GZF1: variants seen among roughly 807,000 people sequenced by gnomAD.
GZF1 encodes the protein GDNF inducible zinc finger protein 1.
A neutral mutation model predicts 49.4 loss-of-function variants in GZF1; 28 were observed. That is an observed-to-expected ratio of 0.57 (90% CI 0.42 to 0.78). The LOEUF (loss-of-function observed/expected upper bound fraction) is 0.78. Ranked by LOEUF, GZF1 falls within the 30% of genes least tolerant of loss-of-function variation. The probability of loss-of-function intolerance (pLI) is 0.00; values close to 1 mark genes in which losing one functional copy is unlikely to be tolerated. For missense variants in GZF1, 798 were observed against 916.2 expected (o/e 0.87, Z 1.67); for synonymous variants, 364 against 356.0 (o/e 1.02, Z -0.25).
chr20:23,362,049 G>A (rs1432133726), upstream of GZF1: 1 of 152,326 alleles, frequency 6.6e-6, no homozygotes, highest in Non-Finnish European at 1.5e-5. Flanking sequence ...GAACCGCTCC[G>A]CCGCCCGACG....
upstream of GZF1, chr20:23,362,126 G>T (rs1202789793): frequency 6.6e-6 from 1 of 152,168 alleles, no homozygotes; most frequent in Non-Finnish European, 1.5e-5. Context: ...GGGGCCTGCA[G>T]CGACCAATCG....
At chr20:23,365,945 G>A (rs1981312155) in intron 2 of GZF1, among the ~76,000 whole-genome samples, 198 bp downstream of exon 2, 1 of 152,240 alleles carries the variant, frequency 6.6e-6, no homozygotes, top group South Asian at 2.1e-4. Context: ...TGAGACCCCT[G>A]GGGCGCCCCT....
intron 2 of GZF1, among the ~76,000 whole-genome samples, chr20:23,366,121 C>G (rs556352583): frequency 6.6e-6 from 1 of 152,198 alleles, no homozygotes; most frequent in Non-Finnish European, 1.5e-5. Context: ...CAGTAGAGAC[C>G]TCAGTGAGAT....
rs1323114946 is a variant in GZF1 at position 23,372,565 on chromosome 20, C to T, written c.*2124C>T. Reference sequence around the variant, plus strand: ...TAAAAAGTAGGCATCAAAGATACGACTTCTACTATATACATTTCTCTGTCC... The same window carrying T: ...TAAAAAGTAGGCATCAAAGATACGATTTCTACTATATACATTTCTCTGTCC... On this transcript the variant is annotated 3_prime_UTR_variant, in exon 6 of 6. Transcript: ENST00000338121. 2 of 152,200 alleles carry T rather than the reference C, an allele frequency of 1.3e-5. No homozygotes were observed. Among genetic ancestry groups the T allele is most frequent in the Admixed American group, 6.5e-5 (1 of 15,282 alleles). The allele number at this position is 152,200 out of a possible 1,614,324, so 9.4% of individuals were successfully genotyped here.
Position 23,365,630 on chromosome 20 carries a change from T to G in GZF1, c.1247T>G (p.Leu416Arg). The G allele has an allele frequency of 6.2e-7, 1 of 1,604,972 alleles. No homozygotes were observed. Among genetic ancestry groups the G allele is most frequent in the Non-Finnish European group, 8.5e-7 (1 of 1,179,296 alleles). Residue 416 changes from leucine to arginine, a missense_variant, in exon 2 of 6, where the codon CTG becomes CGG. Around this residue, in one of 3 missense-constraint regions of GZF1, gnomAD observed 446 missense variants for 540.1 expected, o/e 0.83. Coordinates refer to ENST00000338121, the MANE Select transcript of GZF1 (RefSeq NM_022482.5). ...RHRCGQCGKG[L>R]SSKTALRLHE... ...CGCTGCGGCCAGTGCGGCAAGGGCCTGAGTTCCAAGACAGCGCTGCGGCTG... is the reference window on the plus strand; with the variant it reads ...CGCTGCGGCCAGTGCGGCAAGGGCCGGAGTTCCAAGACAGCGCTGCGGCTG...
rs1307688238 is a variant in GZF1 at position 23,370,649 on chromosome 20, CTACT to C, written c.*210_*213del. ...AAAATCCTGATCTGCATGATCTCAG[CTACT>C]TTATTGACAAAAAGGCAGTGAACAT... is the stretch of plus-strand genomic sequence containing the variant. On this transcript the variant is annotated 3_prime_UTR_variant, in exon 6 of 6. Coordinates refer to ENST00000338121, the MANE Select transcript of GZF1 (RefSeq NM_022482.5). The C allele has an allele frequency of 3.2e-5, 18 of 567,914 alleles. No individual in the cohort carries two copies. The East Asian group carries it at 5.3e-4, about 17-fold the overall frequency. 35.2% of individuals were successfully genotyped at this position (567,914 alleles called of 1,614,324 possible).
Position 23,369,715 on chromosome 20 carries a change from A to G in GZF1, c.1759A>G (p.Lys587Glu). The change falls in exon 5 of 6, where the codon AAG becomes GAG. Residue 587 changes from lysine to glutamate, a missense_variant. By Grantham distance (56) the Lys-to-Glu change is moderately conservative (BLOSUM62 1). Coordinates refer to ENST00000338121, the MANE Select transcript of GZF1 (RefSeq NM_022482.5). Reference protein sequence around the residue: ...CNACGRTFTDKSTLRRHTSIH... With the variant: ...CNACGRTFTDESTLRRHTSIH... The stretch of plus-strand genomic sequence containing the variant: ...TGCGTGCGGACGGACATTCACCGAC[A>G]AGTCCACTCTTCGGCGGCACACCTC... The G allele has an allele frequency of 6.2e-7, 1 of 1,613,422 alleles. No individual in the cohort carries two copies. The highest frequency in any genetic ancestry group is 8.5e-7 in the Non-Finnish European group (1 of 1,179,652).
At position 23,365,058 on chromosome 20, in the gene GZF1, G is replaced by A. The variant is rs759335586; in HGVS notation, c.675G>A (p.Arg225=). The change falls in exon 2 of 6, where the codon AGG becomes AGA. Residue 225 remains arginine (R), a synonymous_variant. Transcript: ENST00000338121. ...PYPKIRRASG[R]LAGRKVFVEI... is the part of the protein sequence containing the mutation. ...CTAAAATCAGGAGAGCTAGTGGAAG[G>A]CTGGCTGGGAGGAAGGTCTTTGTGG... 1 of 1,614,102 alleles carries A rather than the reference G, an allele frequency of 6.2e-7. No homozygotes were observed. The highest frequency in any genetic ancestry group is 1.1e-5 in the South Asian group (1 of 91,086).
intron 2 of GZF1, 40 bp downstream of exon 2, chr20:23,365,787 A>G (rs1981292016): frequency 2.7e-6 from 4 of 1,474,180 alleles, no homozygotes; most frequent in Non-Finnish European, 3.6e-6. Context: ...TGCGCACTGG[A>G]AGGGTGTGTC....
Position 23,371,425 on chromosome 20 carries a change from T to C in GZF1, c.*984T>C, listed in dbSNP as rs536489717. ...ACACCTAGAGATGGAAACAGGCAAG[T>C]AACTGACATGTCTATTTCCTTGGGA... On this transcript the variant is annotated 3_prime_UTR_variant, in exon 6 of 6. Coordinates refer to ENST00000338121, the MANE Select transcript of GZF1 (RefSeq NM_022482.5). 1.3e-5 allele frequency: 2 copies of C among 152,748 alleles called. No individual in the cohort carries two copies. The highest frequency in any genetic ancestry group is 4.8e-5 in the African/African-American group (2 of 41,580). 9.5% of individuals were successfully genotyped at this position (152,748 alleles called of 1,614,324 possible). A position where few individuals can be genotyped will look rare whatever the true frequency, so the allele number is the denominator to read the frequency against.
Position 23,370,717 on chromosome 20 carries a change from C to A in GZF1, c.*276C>A. ...TCTGGTGTAGGGTGTATGTGCTAAT[C>A]GTTCTAATTCTTGATTACCTAGTTT... On this transcript the variant is annotated 3_prime_UTR_variant, in exon 6 of 6. Coordinates refer to ENST00000338121, the MANE Select transcript of GZF1 (RefSeq NM_022482.5). The A allele has an allele frequency of 2.5e-6, 1 of 408,050 alleles. No individual in the cohort carries two copies. Among genetic ancestry groups the A allele is most frequent in the Non-Finnish European group, 4.4e-6 (1 of 225,554 alleles). 25.3% of individuals were successfully genotyped at this position (408,050 alleles called of 1,614,324 possible).
rs778773081 is a variant in GZF1, at chr20:23,370,140, G to C, written c.1835G>C (p.Gly612Ala). 6.2e-7 allele frequency: 1 copy of C among 1,614,204 alleles called. No homozygotes were observed. Among genetic ancestry groups the C allele is most frequent in the African/African-American group, 1.3e-5 (1 of 75,048 alleles). The part of the protein sequence containing the change: ...PWKSFLVIVD[G>A]SPKNDDGHKT... Reference sequence around the variant, plus strand: ...AAGTCTTTCCTTGTCATTGTAGATGGCTCGCCCAAGAACGATGACGGACAC... The same window carrying C: ...AAGTCTTTCCTTGTCATTGTAGATGCCTCGCCCAAGAACGATGACGGACAC... Residue 612 changes from glycine (G) to alanine (A), a missense_variant, in exon 6 of 6, where the codon GGC becomes GCC. Coordinates refer to ENST00000338121, the MANE Select transcript of GZF1 (RefSeq NM_022482.5).
chr20:23,365,803 C>T, intron 2 of GZF1, 56 bp downstream of exon 2: 2 of 1,452,956 alleles, frequency 1.4e-6, no homozygotes, highest in East Asian at 2.5e-5. Context: ...GTGTCAAGCA[C>T]TGAGGTCGTC....
chr20:23,368,300 T>C (rs1333208646), intron 3 of GZF1, among the ~76,000 whole-genome samples: 1 of 152,232 alleles, frequency 6.6e-6, no homozygotes, highest in African/African-American at 2.4e-5. Flanking sequence ...AAGTGAGATA[T>C]TTAAAACTCT....
At position 23,371,086 on chromosome 20, in the gene GZF1, TA is replaced by T. The variant is rs1214513864; in HGVS notation, c.*647del. On this transcript the variant is annotated 3_prime_UTR_variant, in exon 6 of 6. Coordinates refer to ENST00000338121, the MANE Select transcript of GZF1 (RefSeq NM_022482.5). The stretch of plus-strand genomic sequence containing the variant: ...TTGAACACCTGCAAAACTGCTAGCG[TA>T]ATCTCAGCACATACGCAGCTAGGAA... 1 of 152,804 alleles carries T rather than the reference TA, an allele frequency of 6.5e-6. No homozygotes were observed. The highest frequency in any genetic ancestry group is 1.5e-5 in the Non-Finnish European group (1 of 68,184). 9.5% of individuals were successfully genotyped at this position (152,804 alleles called of 1,614,324 possible).
In GZF1 at chr20:23,371,935, C is replaced by T. The variant is rs1474458924; in HGVS notation, c.*1494C>T. 6.6e-6 allele frequency: 1 copy of T among 152,582 alleles called. No homozygotes were observed. Among genetic ancestry groups the T allele is most frequent in the Admixed American group, 6.5e-5 (1 of 15,288 alleles). 9.5% of individuals were successfully genotyped at this position (152,582 alleles called of 1,614,324 possible). On this transcript the variant is annotated 3_prime_UTR_variant, in exon 6 of 6. Transcript: ENST00000338121. ...TTAACTTATGTTAGTGAAACCACTA[C>T]AAGGTGTTTCAGGCGCTGATAACAT... is the stretch of plus-strand genomic sequence containing the variant.
In GZF1 at chr20:23,371,323, C is replaced by T. The variant is rs1600544582; in HGVS notation, c.*882C>T. The T allele has an allele frequency of 6.6e-6, 1 of 152,588 alleles. No homozygotes were observed. Among genetic ancestry groups the T allele is most frequent in the African/African-American group, 2.4e-5 (1 of 41,426 alleles). The allele number at this position is 152,588 out of a possible 1,614,324, so 9.5% of individuals were successfully genotyped here. ...GAGGTGACTGTGGCAAATTATAGAACACAGAGTATTATTACTTTTGCCAGG... is the reference window on the plus strand; with the variant it reads ...GAGGTGACTGTGGCAAATTATAGAATACAGAGTATTATTACTTTTGCCAGG... On this transcript the variant is annotated 3_prime_UTR_variant, in exon 6 of 6. Coordinates refer to ENST00000338121, the MANE Select transcript of GZF1 (RefSeq NM_022482.5).
intron 3 of GZF1, among the ~76,000 whole-genome samples, chr20:23,367,343 T>G (rs577018178): frequency 6.6e-6 from 1 of 152,354 alleles, no homozygotes; most frequent in South Asian, 2.1e-4. Context: ...TATCAAGAGA[T>G]ATAAAATAGT....
intron 4 of GZF1, 79 bp downstream of exon 4, chr20:23,369,008 A>G: frequency 4.7e-6 from 6 of 1,282,494 alleles, no homozygotes; most frequent in Non-Finnish European, 5.4e-6. Context: ...TTACCAGTAA[A>G]TTACTTGGAA....
Sources: allele counts gnomAD v4.1 joint callset (sites outside exome capture counted in the v4.1 genomes callset), GRCh38; gene constraint gnomAD v4.1.1; regional missense constraint gnomAD v4.1.1; transcripts MANE v1.5; gene names NCBI Gene and HGNC (gene_info 2026-07-23, HGNC 2026-07-21).